ATG7: variants seen among roughly 807,000 people sequenced by gnomAD.
ATG7 encodes the protein autophagy related 7.
Under a neutral mutation model 82.4 loss-of-function variants are expected in ATG7, and 70 were observed. The ratio of observed to expected loss-of-function variants is 0.85; its 90% CI spans 0.70 to 1.04. ATG7 has a LOEUF of 1.04. Among genes scored for constraint, ATG7 ranks in the 50% least tolerant of loss-of-function variants. The pLI is 0.00. For missense variants in ATG7, 792 were observed against 864.3 expected (o/e 0.92, Z 1.05); for synonymous variants, 287 against 313.0 (o/e 0.92, Z 0.88).
chr3:11,468,476 T>A (rs768766427), intron 20 of ATG7, among the ~76,000 whole-genome samples: 51 of 152,096 alleles, frequency 3.4e-4, no homozygotes, highest in Non-Finnish European at 6.3e-4. Context: ...GATTCTGAAG[T>A]TTTCCACAGC....
At chr3:11,434,661 C>T (rs2083210875) in intron 20 of ATG7, among the ~76,000 whole-genome samples, 1 of 152,194 alleles carries the variant, frequency 6.6e-6, no homozygotes, top group South Asian at 2.1e-4. Context: ...GAGTTATCTA[C>T]ATGAATTTGA....
chr3:11,330,122 T>G (rs186424567), intron 9 of ATG7, among the ~76,000 whole-genome samples: 1 of 152,362 alleles, frequency 6.6e-6, no homozygotes, highest in Non-Finnish European at 1.5e-5. Context: ...TCACCTGATA[T>G]CCACATGACA....
At chr3:11,503,179 C>T (rs1302893065) in intron 20 of ATG7, among the ~76,000 whole-genome samples, 2 of 152,096 alleles carry the variant, frequency 1.3e-5, no homozygotes, top group African/African-American at 2.4e-5. Context: ...GAATGACAGT[C>T]GGCCAGATGA....
At chr3:11,275,463 C>T (rs1282015606) in intron 1 of ATG7, among the ~76,000 whole-genome samples, 10 of 151,572 alleles carry the variant, frequency 6.6e-5, no homozygotes, top group Non-Finnish European at 1.2e-4. Flanking sequence ...ATACTCCTGC[C>T]TCAGCCTCCC....
chr3:11,283,112 C>T (rs1236734576), intron 3 of ATG7, among the ~76,000 whole-genome samples: 1 of 152,236 alleles, frequency 6.6e-6, no homozygotes. Context: ...AGAAATCGGA[C>T]ACTGAGTGCT....
chr3:11,492,150 A>G (rs2088602), intron 20 of ATG7, among the ~76,000 whole-genome samples: 128,696 of 152,228 alleles, frequency 0.85, 54,588 homozygotes, highest in East Asian at 1. Context: ...CCAGGTGTGG[A>G]ATACAATCTC....
intron 1 of ATG7, among the ~76,000 whole-genome samples, chr3:11,280,138 C>T (rs1942773911): frequency 6.6e-6 from 1 of 152,004 alleles, no homozygotes; most frequent in African/African-American, 2.4e-5. Context: ...CCTGCGCCTC[C>T]CGGGTTCAAG....
At chr3:11,415,585 TAAA>T (rs1358149218) in intron 19 of ATG7, among the ~76,000 whole-genome samples, 16 of 152,256 alleles carry the variant, frequency 1.1e-4, no homozygotes, top group Admixed American at 9.2e-4. Flanking sequence ...ACATTTTTGT[TAAA>T]AACTAAGACA....
At chr3:11,515,245 A>G (rs2092233450) in intron 20 of ATG7, among the ~76,000 whole-genome samples, 1 of 152,136 alleles carries the variant, frequency 6.6e-6, no homozygotes, top group Non-Finnish European at 1.5e-5. Flanking sequence ...CAGTGTGTTC[A>G]TGTCTCAACT....
intron 8 of ATG7, among the ~76,000 whole-genome samples, chr3:11,314,737 C>G (rs1468772341): frequency 6.6e-6 from 1 of 151,780 alleles, no homozygotes; most frequent in African/African-American, 2.4e-5. Flanking sequence ...GAGTTCAAGA[C>G]CAGCCTGGGC....
intron 20 of ATG7, among the ~76,000 whole-genome samples, chr3:11,455,573 G>A (rs1226574138): frequency 1.3e-5 from 2 of 152,182 alleles, no homozygotes; most frequent in East Asian, 3.8e-4. Context: ...TAAAAGTGAT[G>A]TGAGAACAAC....
At position 11,452,384 on chromosome 3, in the gene ATG7, C is replaced by CAAAAAAA. The variant is rs34530409; in HGVS notation, c.2079+25476_2079+25482dup. On this transcript the variant is annotated intron_variant, in intron 20 of 20. Coordinates refer to ENST00000693202, the MANE Select transcript of ATG7 (RefSeq NM_001349232.2). ...TGGGCGACAGAGCGAGAACCTGTCTCAAAAAAAAAAAAAAAAAAAAAAAAG... is the reference window on the plus strand; with the variant it reads ...TGGGCGACAGAGCGAGAACCTGTCTCAAAAAAAAAAAAAAAAAAAAAAAAAAAAAAAG... Among the ~76,000 whole-genome samples the CAAAAAAA allele has an allele frequency of 2.1e-4, 12 of 58,398 alleles. 2 individuals carry two copies. Among genetic ancestry groups the CAAAAAAA allele is most frequent in the African/African-American group, 7.6e-4 (10 of 13,100 alleles). The allele number at this position is 58,398 out of a possible 152,430, so 38.3% of individuals were successfully genotyped here.
At chr3:11,488,580 G>T (rs577120716) in intron 20 of ATG7, 26 of 708,212 alleles carry the variant, frequency 3.7e-5, no homozygotes, top group Admixed American at 4.9e-5. Flanking sequence ...CACCATGGCC[G>T]GACGGGCTCC....
the ATG7 span, among the ~76,000 whole-genome samples, chr3:11,570,324 C>T: frequency 6.6e-6 from 1 of 152,142 alleles, no homozygotes; most frequent in Non-Finnish European, 1.5e-5. Context: ...ACCCACCTTC[C>T]TGCCCCAACT....
At chr3:11,288,042 C>T (rs1460101736) in intron 3 of ATG7, among the ~76,000 whole-genome samples, 1 of 152,156 alleles carries the variant, frequency 6.6e-6, no homozygotes, top group African/African-American at 2.4e-5. Flanking sequence ...ATAAAATACA[C>T]AGCAGACTGT....
At chr3:11,313,854 C>T (rs1180674081) in intron 8 of ATG7, among the ~76,000 whole-genome samples, 1 of 152,170 alleles carries the variant, frequency 6.6e-6, no homozygotes, top group African/African-American at 2.4e-5. Context: ...TCCACCTCAG[C>T]CTCCCAAAGT....
chr3:11,512,119 A>G (rs1440603000), intron 20 of ATG7, among the ~76,000 whole-genome samples: 5 of 152,196 alleles, frequency 3.3e-5, no homozygotes, highest in South Asian at 2.1e-4. Flanking sequence ...TGCCAAGAGC[A>G]AGCGAGGGCT....
chr3:11,348,182 CATCTCAGAGAG>C, intron 14 of ATG7, 147 bp downstream of exon 14: 1 of 1,138,824 alleles, frequency 8.8e-7, no homozygotes, highest in South Asian at 1.7e-5. Flanking sequence ...TCTGTTTCCT[CATCTCAGAGAG>C]GGATAAAAAA....
chr3:11,378,377 T>C (rs1212829992), intron 18 of ATG7, among the ~76,000 whole-genome samples: 1 of 150,418 alleles, frequency 6.6e-6, no homozygotes, highest in Non-Finnish European at 1.5e-5. Context: ...CGAGATCAAG[T>C]GTTTGATAGA....
Sources: gnomAD v4.1 joint callset for allele counts (sites outside exome capture counted in the v4.1 genomes callset) on GRCh38, gnomAD v4.1.1 for gene constraint, MANE v1.5 for transcripts, NCBI Gene and HGNC (gene_info 2026-07-23, HGNC 2026-07-21) for gene names.